Variants in WDR49 observed in about 807,000 individuals in gnomAD.
The protein encoded by WDR49 is cilia- and flagella-associated protein 337.
WDR49 carries 107 observed loss-of-function variants against 119.5 expected under a neutral mutation model. The observed-to-expected ratio is 0.90, with a 90% CI of 0.77 to 1.05. WDR49 has a LOEUF of 1.05. WDR49 is among the 50% of genes least tolerant of loss of function. The pLI, the probability that WDR49 is intolerant of heterozygous loss-of-function variation, is 0.00. For synonymous variants in WDR49, 425 were observed against 418.8 expected (o/e 1.01, Z -0.18); for missense variants, 1,240 against 1,220.5 (o/e 1.02, Z -0.24).
At chr3:167,513,827 C>T (rs1370810265) in intron 16 of WDR49, among the ~76,000 whole-genome samples, 2 of 152,076 alleles carry the variant, frequency 1.3e-5, no homozygotes, top group African/African-American at 2.4e-5. Flanking sequence ...TCTGACAAAA[C>T]AGACTTTAAA....
intron 18 of WDR49, among the ~76,000 whole-genome samples, chr3:167,489,833 CCTTT>C (rs1283626993): frequency 5.3e-5 from 8 of 152,126 alleles, no homozygotes; most frequent in African/African-American, 1.7e-4. Context: ...TCTGAAAACT[CCTTT>C]CTAATTCACA....
intron 2 of WDR49, among the ~76,000 whole-genome samples, chr3:167,629,651 A>G (rs1438047402): frequency 2.0e-5 from 3 of 152,124 alleles, no homozygotes; most frequent in Admixed American, 2.0e-4. Flanking sequence ...GATTCATTAG[A>G]ATGGCATCAT....
At chr3:167,615,078 A>G (rs1388189226) in intron 5 of WDR49, among the ~76,000 whole-genome samples, 2 of 152,244 alleles carry the variant, frequency 1.3e-5, no homozygotes, top group Non-Finnish European at 2.9e-5. Flanking sequence ...GCTTCAAACA[A>G]CAACAGAAAG....
At chr3:167,558,363 T>A (rs1713068935) in intron 9 of WDR49, among the ~76,000 whole-genome samples, 1 of 152,154 alleles carries the variant, frequency 6.6e-6, no homozygotes, top group African/African-American at 2.4e-5. Context: ...AGGTACTGAA[T>A]TTGGATTCTA....
intron 5 of WDR49, among the ~76,000 whole-genome samples, chr3:167,608,848 A>G (rs184296181): frequency 0.019 from 2,855 of 152,266 alleles, 63 homozygotes; most frequent in Non-Finnish European, 0.022. Flanking sequence ...TATAGAGAAA[A>G]AAAACAACTT....
intron 8 of WDR49, among the ~76,000 whole-genome samples, chr3:167,569,746 A>T (rs1713823462): frequency 6.6e-6 from 1 of 152,106 alleles, no homozygotes; most frequent in African/African-American, 2.4e-5. Flanking sequence ...TTGAAGGATC[A>T]ACTGTCTATA....
chr3:167,643,247 G>A (rs1717965193), intron 2 of WDR49, among the ~76,000 whole-genome samples: 1 of 152,038 alleles, frequency 6.6e-6, no homozygotes, highest in Non-Finnish European at 1.5e-5. Context: ...AGCATCACCA[G>A]TAATGGGACA....
At chr3:167,529,747 T>C (rs1252025291) in intron 13 of WDR49, among the ~76,000 whole-genome samples, 1 of 152,146 alleles carries the variant, frequency 6.6e-6, no homozygotes, top group East Asian at 1.9e-4. Context: ...TGAGCTTTCT[T>C]TAAATGTTTT....
At chr3:167,481,549 G>A (rs975211637) in intron 18 of WDR49, among the ~76,000 whole-genome samples, 1 of 152,078 alleles carries the variant, frequency 6.6e-6, no homozygotes, top group African/African-American at 2.4e-5. Flanking sequence ...ACAAAAAATA[G>A]ATCAACAAAC....
chr3:167,545,488 ATATATAT>A lies in WDR49; in HGVS notation c.1824-8495_1824-8489del, dbSNP rs199944504. Among the ~76,000 whole-genome samples, 628 of 131,136 alleles carry A rather than the reference ATATATAT, an allele frequency of 4.8e-3. 37 individuals carry two copies. The Middle Eastern group carries it at 0.056, about 12-fold the overall frequency. The allele number at this position is 131,136 out of a possible 152,430, so 86.0% of individuals were successfully genotyped here. ...TAAGTGGATAAAGAAAATGTACCAT[ATATATAT>A]TATATATTATATATTATATATATAT... On this transcript the variant is annotated intron_variant, in intron 10 of 18. Transcript: ENST00000682715.
chr3:167,598,277 C>T (rs576141678), intron 7 of WDR49, among the ~76,000 whole-genome samples: 3 of 150,736 alleles, frequency 2.0e-5, no homozygotes, highest in South Asian at 2.1e-4. Flanking sequence ...TGCACTCCAG[C>T]GTGGGTGACA....
chr3:167,512,376 G>C (rs1336788438), intron 16 of WDR49, among the ~76,000 whole-genome samples: 1 of 152,154 alleles, frequency 6.6e-6, no homozygotes, highest in Non-Finnish European at 1.5e-5. Flanking sequence ...CTCTACAGAA[G>C]AGGGGCCTTA....
At chr3:167,602,816 A>T (rs1715846637) in intron 6 of WDR49, among the ~76,000 whole-genome samples, 1 of 152,194 alleles carries the variant, frequency 6.6e-6, no homozygotes, top group Non-Finnish European at 1.5e-5. Flanking sequence ...ATGAGACTAT[A>T]ATATGGTATT....
At chr3:167,641,996 C>T (rs1717904944) in intron 2 of WDR49, among the ~76,000 whole-genome samples, 1 of 151,388 alleles carries the variant, frequency 6.6e-6, no homozygotes, top group African/African-American at 2.4e-5. Context: ...ATAAAATGTT[C>T]AGAAGTTAAT....
chr3:167,496,298 T>C (rs972902112), intron 18 of WDR49, among the ~76,000 whole-genome samples: 7 of 152,196 alleles, frequency 4.6e-5, no homozygotes, highest in African/African-American at 1.7e-4. Flanking sequence ...GTTTACTAGA[T>C]GGTCTGTGGT....
chr3:167,505,315 T>A lies in WDR49; in HGVS notation c.2876A>T (p.Lys959Ile). Residue 959 changes from lysine to isoleucine, a missense_variant, in exon 17 of 19, where the codon AAA becomes ATA. Physicochemically the swap from Lys to Ile is moderately radical, Grantham distance 102 (BLOSUM62 -3). Transcript: ENST00000682715. ...QKPYYGEVIKKSFSTFRSLNI... is the reference protein window; with the variant it reads ...QKPYYGEVIKISFSTFRSLNI... ...CAACAGTGACTACTTACTGAATGAT[T>A]TTTTTATAACTTCACCATAATAAGG... is the stretch of plus-strand genomic sequence containing the variant. 1 of 1,513,254 alleles carries A rather than the reference T, an allele frequency of 6.6e-7. No individual in the cohort carries two copies. The highest frequency in any genetic ancestry group is 8.8e-7 in the Non-Finnish European group (1 of 1,138,918). The allele number at this position is 1,513,254 out of a possible 1,614,324, so 93.7% of individuals were successfully genotyped here.
chr3:167,564,305 A>C (rs567805626), intron 8 of WDR49, among the ~76,000 whole-genome samples: 3 of 152,228 alleles, frequency 2.0e-5, no homozygotes, highest in Admixed American at 1.3e-4. Flanking sequence ...ACATCCAACC[A>C]GTATTAGCCA....
intron 12 of WDR49, among the ~76,000 whole-genome samples, chr3:167,532,261 T>C (rs1752876239): frequency 6.6e-6 from 1 of 152,158 alleles, no homozygotes; most frequent in African/African-American, 2.4e-5. Flanking sequence ...AAGAATGACA[T>C]TTTCATTACC....
chr3:167,598,356 G>C (rs555601417), intron 7 of WDR49, among the ~76,000 whole-genome samples: 8 of 152,150 alleles, frequency 5.3e-5, no homozygotes, highest in African/African-American at 1.9e-4. Context: ...CATAAGATTT[G>C]GGAGGGGCCA....
Sources: allele counts gnomAD v4.1 joint callset (sites outside exome capture counted in the v4.1 genomes callset), GRCh38; gene constraint gnomAD v4.1.1; transcripts MANE v1.5; gene names NCBI Gene and HGNC (gene_info 2026-07-23, HGNC 2026-07-21).